The following AGBL1 variants were observed in gnomAD, a reference collection of about 807,000 sequenced individuals.
AGBL1 encodes AGBL carboxypeptidase 1, also known as cytosolic carboxypeptidase 4.
AGBL1 carries 130 observed loss-of-function variants against 118.9 expected under a neutral mutation model. The ratio of observed to expected loss-of-function variants is 1.09; its 90% confidence interval spans 0.95 to 1.26. AGBL1 has a LOEUF of 1.26. AGBL1 is among the 50% of genes most tolerant of loss of function. The probability of loss-of-function intolerance (pLI) is 0.00; values close to 1 mark genes in which losing one functional copy is unlikely to be tolerated. For missense variants in AGBL1, 1,584 were observed against 1,298.1 expected, an observed-to-expected ratio of 1.22 and a Z score of -3.38; for synonymous variants, 555 against 478.9, an observed-to-expected ratio of 1.16 and a Z score of -2.08.
chr15:86,353,521 AG>A (rs1397817724), intron 17 of AGBL1, among the ~76,000 whole-genome samples: 18 of 152,228 alleles, frequency 1.2e-4, no homozygotes, highest in Admixed American at 3.3e-4. Context: ...CTGCCTTTCC[AG>A]GAGAATGAAA....
At chr15:86,311,083 T>C (rs1304528513) in intron 17 of AGBL1, among the ~76,000 whole-genome samples, 4 of 152,224 alleles carry the variant, frequency 2.6e-5, no homozygotes, top group East Asian at 1.9e-4. Flanking sequence ...CAAGGCTCAG[T>C]TGAAACCTTC....
At chr15:86,346,274 G>T (rs1452159637) in intron 17 of AGBL1, among the ~76,000 whole-genome samples, 1 of 150,936 alleles carries the variant, frequency 6.6e-6, no homozygotes, top group Non-Finnish European at 1.5e-5. Context: ...GAGCCACTGT[G>T]CCCAGCCCAT....
At chr15:86,926,300 A>G (rs533488285) in intron 23 of AGBL1, among the ~76,000 whole-genome samples, 2 of 152,310 alleles carry the variant, frequency 1.3e-5, no homozygotes, top group East Asian at 3.9e-4. Flanking sequence ...TCCTCACTAC[A>G]TAAATCTTTT....
At chr15:86,846,461 C>G (rs1373471588) in intron 22 of AGBL1, among the ~76,000 whole-genome samples, 1 of 152,128 alleles carries the variant, frequency 6.6e-6, no homozygotes, top group East Asian at 1.9e-4. Flanking sequence ...GTCTATCTTA[C>G]TTAGAATTTG....
chr15:86,923,748 CT>C (rs1218483035), intron 23 of AGBL1, among the ~76,000 whole-genome samples: 1 of 152,122 alleles, frequency 6.6e-6, no homozygotes, highest in Non-Finnish European at 1.5e-5. Flanking sequence ...TGGATATTAT[CT>C]GACAAAATGC....
intron 16 of AGBL1, among the ~76,000 whole-genome samples, chr15:86,286,221 G>A (rs867018625): frequency 6.6e-6 from 1 of 151,856 alleles, no homozygotes; most frequent in South Asian, 2.1e-4. Context: ...GTACAATGGG[G>A]TGTGTTGATA....
chr15:86,797,413 C>A (rs897288962), intron 22 of AGBL1, among the ~76,000 whole-genome samples: 6 of 152,154 alleles, frequency 3.9e-5, no homozygotes, highest in Admixed American at 3.3e-4. Context: ...GGAGCAGAAC[C>A]CCCTCTTATT....
At chr15:86,541,400 G>T (rs988367280) in intron 19 of AGBL1, among the ~76,000 whole-genome samples, 78 of 151,864 alleles carry the variant, frequency 5.1e-4, no homozygotes, top group Non-Finnish European at 2.2e-4. Context: ...ACCCATCCTG[G>T]GCAACAGAGG....
downstream of AGBL1, among the ~76,000 whole-genome samples, chr15:86,917,094 G>A (rs1596631978): frequency 1.3e-5 from 2 of 152,362 alleles, no homozygotes; most frequent in Middle Eastern, 6.8e-3. The surrounding 1 kb of genome is among the most constrained non-coding windows in gnomAD (Gnocchi z 4.8). Flanking sequence ...GGTTTGGCCT[G>A]CTAGGTGCTG....
At chr15:86,936,803 G>A (rs1017340893) in intron 23 of AGBL1, among the ~76,000 whole-genome samples, 2 of 152,130 alleles carry the variant, frequency 1.3e-5, no homozygotes, top group Non-Finnish European at 2.9e-5. Flanking sequence ...ATTGACAAGT[G>A]GGATATAATT....
At chr15:86,446,670 TC>T (rs1413991039) in intron 18 of AGBL1, among the ~76,000 whole-genome samples, 1 of 152,210 alleles carries the variant, frequency 6.6e-6, no homozygotes, top group Non-Finnish European at 1.5e-5. Flanking sequence ...AGATTTCGAC[TC>T]CCCTTAAAGA....
At chr15:86,546,894 A>G (rs1390604265) in intron 20 of AGBL1, among the ~76,000 whole-genome samples, 4 of 152,192 alleles carry the variant, frequency 2.6e-5, no homozygotes, top group Non-Finnish European at 4.4e-5. Flanking sequence ...TAGAAAAAGT[A>G]GAAAATTATG....
At chr15:86,100,606 C>A (rs1477839710) in intron 1 of AGBL1, among the ~76,000 whole-genome samples, 1 of 151,858 alleles carries the variant, frequency 6.6e-6, no homozygotes, top group Non-Finnish European at 1.5e-5. Flanking sequence ...TGTATGTGTC[C>A]AGGAATTTAT....
chr15:86,704,877 C>T (rs747588304), intron 22 of AGBL1, among the ~76,000 whole-genome samples: 1 of 152,126 alleles, frequency 6.6e-6, no homozygotes, highest in Admixed American at 6.5e-5. Flanking sequence ...GACTTGGAAC[C>T]AACTCAGATG....
rs77464278 is a variant in AGBL1 at position 86,104,391 on chromosome 15, C to T, written c.51+24368C>T. 2.7e-4 allele frequency among the ~76,000 whole-genome samples: 41 copies of T among 152,264 alleles called. No homozygotes were observed. The East Asian group carries it at 4.8e-3, about 18-fold the overall frequency. ...TAGACAGGCAGCTGGGGAGTATATG[C>T]TTTCACCCCAGTTGATGGCTGCAGG... On this transcript the variant is annotated intron_variant, in intron 1 of 22. Coordinates refer to ENST00000614907, the MANE Select transcript of AGBL1 (RefSeq NM_001386094.1).
chr15:86,095,646 C>CTT (rs1896319963), intron 1 of AGBL1, among the ~76,000 whole-genome samples: 3 of 116,680 alleles, frequency 2.6e-5, no homozygotes, highest in African/African-American at 9.4e-5. Context: ...ACCTTGGATA[C>CTT]CTTTTTTTTT....
rs1567235413 is a variant in AGBL1, at chr15:86,910,722, CAGA to C, written c.*3431_*3433del. 2 of 152,110 alleles carry C rather than the reference CAGA, an allele frequency of 1.3e-5. No individual in the cohort carries two copies. Among genetic ancestry groups the C allele is most frequent in the Non-Finnish European group, 2.9e-5 (2 of 68,046 alleles). The allele number at this position is 152,110 out of a possible 1,614,324, so 9.4% of individuals were successfully genotyped here. ...TAGAAATCAGAGGTACCTCAGGAAG[CAGA>C]AGGAGAACAAAGAGAGGTGTACCTA... On this transcript the variant is annotated 3_prime_UTR_variant, in exon 23 of 23. Transcript: ENST00000614907.
chr15:86,849,762 C>G (rs938456697), intron 22 of AGBL1, among the ~76,000 whole-genome samples: 15 of 152,208 alleles, frequency 9.9e-5, no homozygotes, highest in African/African-American at 3.1e-4. Flanking sequence ...CCATTAGCTT[C>G]TGTGCCCAGA....
intron 21 of AGBL1, among the ~76,000 whole-genome samples, chr15:86,637,997 C>T (rs1335518950): frequency 6.6e-6 from 1 of 152,046 alleles, no homozygotes; most frequent in Non-Finnish European, 1.5e-5. Context: ...TTTTTTCCAT[C>T]CCTGTGTATT....
Sources: gnomAD v4.1 joint callset for allele counts (sites outside exome capture counted in the v4.1 genomes callset) on GRCh38, gnomAD v4.1.1 for gene constraint, Gnocchi (gnomAD v3.1) non-coding constraint, MANE v1.5 for transcripts, NCBI Gene and HGNC (gene_info 2026-07-23, HGNC 2026-07-21) for gene names.